Variants in CWC22 observed in about 807,000 individuals in gnomAD.
CWC22 encodes the protein CWC22 spliceosome associated protein, also known as pre-mRNA-splicing factor CWC22 homolog.
In CWC22, 53 loss-of-function variants were observed where a neutral mutation model predicts 117.2. That is an observed-to-expected ratio of 0.45 (90% CI 0.36 to 0.57). The LOEUF is 0.57. Among genes scored for constraint, CWC22 ranks in the 20% least tolerant of loss-of-function variants. CWC22 has a pLI of 0.00. For missense variants in CWC22, 980 were observed against 1,068.8 expected, an observed-to-expected ratio of 0.92 and a Z score of 1.16; for synonymous variants, 360 against 355.6, an observed-to-expected ratio of 1.01 and a Z score of -0.14.
intron 1 of CWC22, among the ~76,000 whole-genome samples, chr2:179,994,485 A>G (rs1393873088): frequency 6.6e-6 from 1 of 152,208 alleles, no homozygotes; most frequent in African/African-American, 2.4e-5. Flanking sequence ...ACACCCTGTT[A>G]AGTATTCCTT....
At position 179,964,598 on chromosome 2, in the gene CWC22, T is replaced by G. The variant is rs776166223; in HGVS notation, c.1346A>C (p.Glu449Ala). 3.5e-5 allele frequency: 54 copies of G among 1,563,874 alleles called. No homozygotes were observed. Among genetic ancestry groups the G allele is most frequent in the Non-Finnish European group, 2.7e-5 (31 of 1,150,616 alleles). Residue 449 changes from glutamate to alanine, a missense_variant, in exon 13 of 20, where the codon GAA (glutamate) becomes GCA (alanine). Transcript: ENST00000410053. ...ACGACGAAATGAGACCAGGTTAATT[T>G]CTGTTTTGTCATGAATAGTTACTTT... ...GQKVTIHDKTEINLVSFRRTI... is the reference protein window; with the variant it reads ...GQKVTIHDKTAINLVSFRRTI...
intron 14 of CWC22, among the ~76,000 whole-genome samples, chr2:179,958,801 T>A (rs1156606853): frequency 1.3e-5 from 2 of 152,288 alleles, no homozygotes; most frequent in Non-Finnish European, 2.9e-5. Context: ...ACTCTCTTTT[T>A]ACCATATCTC....
Position 179,952,488 on chromosome 2 carries a change from A to G in CWC22, c.1800T>C (p.Asn600=). 1 of 1,562,952 alleles carries G rather than the reference A, an allele frequency of 6.4e-7. No homozygotes were observed. The highest frequency in any genetic ancestry group is 8.7e-7 in the Non-Finnish European group (1 of 1,155,088). The change falls in exon 17 of 20, where the codon AAT becomes AAC. Residue 600 remains asparagine (N), a synonymous_variant. Transcript: ENST00000410053. ...AAACTTACTCATCCTTTAATCTTGCATTAAGTTTAGGAAGACCCATGTATT... is the reference window on the plus strand; with the variant it reads ...AAACTTACTCATCCTTTAATCTTGCGTTAAGTTTAGGAAGACCCATGTATT... ...LCEYMGLPKL[N]ARLKDETLQP... is the part of the protein sequence containing the mutation.
At chr2:179,971,564 AATACTAATTTT>A (rs1345855128) in intron 8 of CWC22, among the ~76,000 whole-genome samples, 1 of 152,168 alleles carries the variant, frequency 6.6e-6, no homozygotes. Context: ...AAGTTACATG[AATACTAATTTT>A]ATCACAAAAT....
At chr2:179,966,533 T>C (rs755621256) in intron 11 of CWC22, among the ~76,000 whole-genome samples, 4 of 152,136 alleles carry the variant, frequency 2.6e-5, no homozygotes, top group Non-Finnish European at 5.9e-5. Flanking sequence ...TCAAAGACTT[T>C]TCATATATAA....
chr2:179,948,747 T>G (rs1686372161), intron 19 of CWC22, among the ~76,000 whole-genome samples: 1 of 152,052 alleles, frequency 6.6e-6, no homozygotes, highest in Non-Finnish European at 1.5e-5. Flanking sequence ...TTAAAGCTAT[T>G]AAGAACAAGG....
intron 1 of CWC22, among the ~76,000 whole-genome samples, chr2:180,002,801 T>C (rs190166853): frequency 3.4e-4 from 52 of 152,288 alleles, no homozygotes; most frequent in East Asian, 7.7e-4. Context: ...ACGATAAGCA[T>C]GTGTAAAGAC....
At chr2:179,983,074 C>T (rs1687325646) in intron 4 of CWC22, among the ~76,000 whole-genome samples, 1 of 152,096 alleles carries the variant, frequency 6.6e-6, no homozygotes, top group Admixed American at 6.6e-5. Context: ...TCCCAGGTAG[C>T]TGTGGAGGAA....
intron 19 of CWC22, among the ~76,000 whole-genome samples, chr2:179,950,048 G>GTATATC (rs1686405683): frequency 2.6e-5 from 4 of 152,130 alleles, no homozygotes; most frequent in Admixed American, 2.6e-4. Context: ...TGGGGTACCG[G>GTATATC]TATATCTTGA....
At chr2:179,953,370 C>A (rs1686503942) in intron 16 of CWC22, among the ~76,000 whole-genome samples, 1 of 152,098 alleles carries the variant, frequency 6.6e-6, no homozygotes, top group Admixed American at 6.6e-5. Flanking sequence ...TAATCCTGTT[C>A]TTTCCTCCTG....
rs544719086 is a variant in CWC22, at chr2:179,985,088, A to G, written c.206+1607T>C. Among the ~76,000 whole-genome samples the G allele has an allele frequency of 9.9e-5, 15 of 152,156 alleles. No individual in the cohort carries two copies. In the South Asian group the frequency reaches 3.1e-3, roughly 32 times the overall value. On this transcript the variant is annotated intron_variant, in intron 4 of 19. Coordinates refer to ENST00000410053, the MANE Select transcript of CWC22 (RefSeq NM_020943.3). ...ATAGATAAGGAAACTGAGGCTCAGA[A>G]GAAGTTTGTTAAGAAATTTTACCAA...
intron 4 of CWC22, among the ~76,000 whole-genome samples, chr2:179,983,736 T>C (rs1349012446): frequency 2.0e-5 from 3 of 152,006 alleles, no homozygotes; most frequent in Non-Finnish European, 4.4e-5. Context: ...AGTGAACAGA[T>C]GGGGGAAAGA....
Position 180,000,681 on chromosome 2 carries a change from G to A in CWC22, c.-114+6186C>T, listed in dbSNP as rs1378936160. Among the ~76,000 whole-genome samples, 4 of 152,192 alleles carry A rather than the reference G, an allele frequency of 2.6e-5. No individual in the cohort carries two copies. In the East Asian group the frequency reaches 5.8e-4, roughly 22 times the overall value. On this transcript the variant is annotated intron_variant, in intron 1 of 19. Coordinates refer to ENST00000410053, the MANE Select transcript of CWC22 (RefSeq NM_020943.3). ...ATTGCCAGGTTCAAGTACAGGGCTAGAAGTTGTGCAGACAGTTCTGGACAT... is the reference window on the plus strand; with the variant it reads ...ATTGCCAGGTTCAAGTACAGGGCTAAAAGTTGTGCAGACAGTTCTGGACAT...
intron 13 of CWC22, 131 bp downstream of exon 13, chr2:179,964,416 G>A (rs138501070): frequency 2.1e-5 from 11 of 531,176 alleles, no homozygotes; most frequent in East Asian, 3.0e-5. Flanking sequence ...GGCATGGGAT[G>A]GGGGAGAGAG....
In CWC22 at chr2:179,955,018, A is replaced by G; in HGVS notation, c.1475T>C (p.Met492Thr). Residue 492 changes from methionine (M) to threonine (T), a missense_variant, in exon 15 of 20, where the codon ATG (methionine) becomes ACG (threonine). Around this residue, in one of 3 missense-constraint regions of CWC22, gnomAD observed 559 missense variants for 602.3 expected, o/e 0.93. Coordinates refer to ENST00000410053, the MANE Select transcript of CWC22 (RefSeq NM_020943.3). ...CTGTTGGGCACAGCAATCAAGTATC[A>G]TGTTGCAGAGTTCTTTCTATTTGGG... The part of the protein sequence containing the change: ...PESQTKELCN[M>T]ILDCCAQQRT... 1 of 1,599,456 alleles carries G rather than the reference A, an allele frequency of 6.3e-7. No individual in the cohort carries two copies. Among genetic ancestry groups the G allele is most frequent in the Non-Finnish European group, 8.5e-7 (1 of 1,171,998 alleles).
At chr2:179,964,302 T>C (rs953118854) in intron 13 of CWC22, among the ~76,000 whole-genome samples, 1 of 152,212 alleles carries the variant, frequency 6.6e-6, no homozygotes, top group Non-Finnish European at 1.5e-5. Flanking sequence ...AGAAATGATA[T>C]AGCTAAAAAA....
At chr2:179,952,835 T>C (rs1218717647) in intron 16 of CWC22, among the ~76,000 whole-genome samples, 2 of 152,136 alleles carry the variant, frequency 1.3e-5, no homozygotes, top group Middle Eastern at 3.2e-3. Context: ...TTTTGAGTAA[T>C]GTGCTTTTTA....
intron 11 of CWC22, among the ~76,000 whole-genome samples, chr2:179,967,949 G>A (rs1429089228): frequency 3.3e-5 from 5 of 152,082 alleles, no homozygotes; most frequent in East Asian, 1.9e-4. Flanking sequence ...TATCTGCGAT[G>A]ATGAAAACAT....
chr2:179,945,124 T>C lies in CWC22; in HGVS notation c.*5A>G, dbSNP rs1575634225. On this transcript the variant is annotated 3_prime_UTR_variant, in exon 20 of 20. Coordinates refer to ENST00000410053, the MANE Select transcript of CWC22 (RefSeq NM_020943.3). ...GGCATGTCCAGTTTATGTCATTTTG[T>C]AGAATTATTTTTGTTTTGCTGGAGA... The C allele has an allele frequency of 6.3e-7, 1 of 1,576,936 alleles. No individual in the cohort carries two copies. Among genetic ancestry groups the C allele is most frequent in the Non-Finnish European group, 8.6e-7 (1 of 1,165,234 alleles).
Sources: allele counts gnomAD v4.1 joint callset (sites outside exome capture counted in the v4.1 genomes callset), GRCh38; gene constraint gnomAD v4.1.1; regional missense constraint gnomAD v4.1.1; transcripts MANE v1.5; gene names NCBI Gene and HGNC (gene_info 2026-07-23, HGNC 2026-07-21).